SDK1: variants seen among roughly 807,000 people sequenced by gnomAD.
The protein encoded by SDK1 is sidekick cell adhesion molecule 1, also known as protein sidekick-1.
SDK1 carries 157 observed loss-of-function variants against 245.5 expected under a neutral mutation model. The ratio of observed to expected loss-of-function variants is 0.64; its 90% CI spans 0.56 to 0.73. The LOEUF is 0.73. SDK1 is among the 30% of genes least tolerant of loss of function. The probability of loss-of-function intolerance (pLI) is 0.00; values close to 1 mark genes in which losing one functional copy is unlikely to be tolerated. For synonymous variants in SDK1, 1,647 were observed against 1,278.5 expected, an observed-to-expected ratio of 1.29 and a Z score of -6.15; for missense variants, 3,583 against 3,002.3, an observed-to-expected ratio of 1.19 and a Z score of -4.52.
rs567069234 is a variant in SDK1 at position 3,677,924 on chromosome 7, G to A, written c.713+35819G>A. Among the ~76,000 whole-genome samples, 6 of 152,264 alleles carry A rather than the reference G, an allele frequency of 3.9e-5. No homozygotes were observed. The East Asian group carries it at 1.2e-3, about 29-fold the overall frequency. ...GAGGCTGATGTCCAGAATGTGTAAA[G>A]AACCCCTACAACTCAACAACAACAG... On this transcript the variant is annotated intron_variant, in intron 4 of 44. Coordinates refer to ENST00000404826, the MANE Select transcript of SDK1 (RefSeq NM_152744.4).
In SDK1 at chr7:4,079,736, C is replaced by G. The variant is rs565112046; in HGVS notation, c.3324+152C>G. The G allele has an allele frequency of 1.7e-3, 1,860 of 1,074,496 alleles. 33 individuals are homozygous for G. The highest frequency in any genetic ancestry group is 3.2e-4 in the Middle Eastern group (1 of 3,162). 66.6% of individuals were successfully genotyped at this position (1,074,496 alleles called of 1,614,324 possible). ...CCAGGGGCTGGAGATAGCCCAGATA[C>G]CAGGGCAGAATGTAGGAAGACAAAG... On this transcript the variant is annotated intron_variant, in intron 22 of 44. Coordinates refer to ENST00000404826, the MANE Select transcript of SDK1 (RefSeq NM_152744.4).
intron 32 of SDK1, among the ~76,000 whole-genome samples, chr7:4,166,132 A>T (rs1390529300): frequency 1.3e-5 from 2 of 152,220 alleles, no homozygotes; most frequent in Non-Finnish European, 2.9e-5. Context: ...AAAAAATCCC[A>T]AGCAATTGAT....
At chr7:3,352,194 C>G (rs372054563) in intron 1 of SDK1, among the ~76,000 whole-genome samples, 3 of 149,968 alleles carry the variant, frequency 2.0e-5, no homozygotes, top group Non-Finnish European at 4.4e-5. Flanking sequence ...ATGGAAAAAT[C>G]TGTCACTTAA....
intron 17 of SDK1, among the ~76,000 whole-genome samples, chr7:4,036,126 C>A (rs894990034): frequency 6.6e-6 from 1 of 152,012 alleles, no homozygotes; most frequent in African/African-American, 2.4e-5. Context: ...ATTTGAAAGC[C>A]GCAATTGACA....
At chr7:3,480,692 G>A (rs75538940) in intron 1 of SDK1, among the ~76,000 whole-genome samples, 1 of 152,182 alleles carries the variant, frequency 6.6e-6, no homozygotes, top group Non-Finnish European at 1.5e-5. Flanking sequence ...ATGGATTGTA[G>A]TCCCCTGCTA....
intron 2 of SDK1, among the ~76,000 whole-genome samples, chr7:3,628,984 C>T (rs895845994): frequency 1.3e-5 from 2 of 151,926 alleles, no homozygotes; most frequent in African/African-American, 4.8e-5. Context: ...TTTCTTAGGG[C>T]AGGGTACTGG....
intron 4 of SDK1, among the ~76,000 whole-genome samples, chr7:3,754,102 C>G (rs954260030): frequency 1.3e-5 from 2 of 152,156 alleles, no homozygotes; most frequent in African/African-American, 2.4e-5. Flanking sequence ...GCCAGTCACT[C>G]CAGGAGCCTT....
At chr7:3,988,297 C>T (rs1784034933) in intron 14 of SDK1, among the ~76,000 whole-genome samples, 1 of 151,820 alleles carries the variant, frequency 6.6e-6, no homozygotes. Flanking sequence ...ATCAGCAGTC[C>T]TATCAGTCTG....
chr7:3,996,249 A>G (rs1784690980), intron 14 of SDK1, among the ~76,000 whole-genome samples: 3 of 152,176 alleles, frequency 2.0e-5, no homozygotes, highest in Admixed American at 6.5e-5. Flanking sequence ...CCATTGATTC[A>G]TTATCTCTTT....
intron 4 of SDK1, among the ~76,000 whole-genome samples, chr7:3,718,430 CCCCGGAGGTTGAGG>C (rs999209091): frequency 1.3e-4 from 20 of 151,708 alleles, no homozygotes; most frequent in South Asian, 1.0e-3. Flanking sequence ...ATCGCTTGAG[CCCCGGAGGTTGAGG>C]CCCGGAGGTT....
At chr7:3,310,974 A>G (rs566729065) in intron 1 of SDK1, among the ~76,000 whole-genome samples, 2 of 152,308 alleles carry the variant, frequency 1.3e-5, no homozygotes, top group African/African-American at 2.4e-5. Flanking sequence ...TACCAAGTAC[A>G]TAGCATGCAT....
rs184481687 is a variant in SDK1 at position 3,584,801 on chromosome 7, T to A, written c.299-34279T>A. On this transcript the variant is annotated intron_variant, in intron 1 of 44. Coordinates refer to ENST00000404826, the MANE Select transcript of SDK1 (RefSeq NM_152744.4). ...TGCAGTGGCGCGATCTGGGCTCACT[T>A]CAAGCTCCGCCTCCCGGGTTCACGC... is the stretch of plus-strand genomic sequence containing the variant. Among the ~76,000 whole-genome samples, 365 of 151,822 alleles carry A rather than the reference T, an allele frequency of 2.4e-3. 3 individuals carry two copies. Among genetic ancestry groups the A allele is most frequent in the South Asian group, 0.017 (83 of 4,802 alleles).
chr7:4,151,787 G>A (rs908147255), intron 30 of SDK1, among the ~76,000 whole-genome samples: 1 of 152,186 alleles, frequency 6.6e-6, no homozygotes, highest in African/African-American at 2.4e-5. Context: ...TACACACGCA[G>A]ACATTGAGGC....
intron 30 of SDK1, among the ~76,000 whole-genome samples, chr7:4,155,054 AG>A (rs2128209942): frequency 6.6e-6 from 1 of 151,806 alleles, no homozygotes; most frequent in African/African-American, 2.4e-5. Flanking sequence ...GGTTGGGGTG[AG>A]TGCACAGAGG....
At chr7:4,176,546 G>T (rs1167231957) in intron 34 of SDK1, among the ~76,000 whole-genome samples, 1 of 152,118 alleles carries the variant, frequency 6.6e-6, no homozygotes, top group African/African-American at 2.4e-5. Flanking sequence ...CAGTTCAGTG[G>T]CATTAAGCAC....
At chr7:4,263,524 TG>T (rs1305113780) in intron 44 of SDK1, among the ~76,000 whole-genome samples, 1 of 90,190 alleles carries the variant, frequency 1.1e-5, no homozygotes, top group African/African-American at 4.7e-5. Context: ...CTCTCCTGAG[TG>T]GGGAGGCCGC....
intron 1 of SDK1, among the ~76,000 whole-genome samples, chr7:3,566,224 CT>C (rs568790658): frequency 0.053 from 6,642 of 125,262 alleles, 151 homozygotes; most frequent in African/African-American, 0.12. Flanking sequence ...TAAACTTCTT[CT>C]TTTTTTTTTT....
At chr7:3,781,571 C>G (rs372944730) in intron 4 of SDK1, among the ~76,000 whole-genome samples, 1 of 151,938 alleles carries the variant, frequency 6.6e-6, no homozygotes, top group African/African-American at 2.4e-5. Flanking sequence ...ATAGTAGACC[C>G]CAAAGAAATG....
chr7:4,264,471 A>T, intron 44 of SDK1, among the ~76,000 whole-genome samples: 2 of 125,874 alleles, frequency 1.6e-5, no homozygotes, highest in Admixed American at 8.6e-5. Context: ...TGAGTGAGGG[A>T]GGCCGCGTGG....
Sources: allele counts gnomAD v4.1 joint callset (sites outside exome capture counted in the v4.1 genomes callset), GRCh38; gene constraint gnomAD v4.1.1; transcripts MANE v1.5; gene names NCBI Gene and HGNC (gene_info 2026-07-23, HGNC 2026-07-21).